Variants in RAPGEF2 observed in about 807,000 individuals in gnomAD.
The protein encoded by RAPGEF2 is PDZ domain containing guanine nucleotide exchange factor (GEF) 1.
A neutral mutation model predicts 186.7 loss-of-function variants in RAPGEF2; 54 were observed. The observed-to-expected ratio is 0.29, with a 90% CI of 0.23 to 0.36. The LOEUF (loss-of-function observed/expected upper bound fraction) is 0.36. RAPGEF2 is among the 10% of genes least tolerant of loss of function. The probability of loss-of-function intolerance (pLI) is 1.00; values close to 1 mark genes in which losing one functional copy is unlikely to be tolerated. For synonymous variants in RAPGEF2, 712 were observed against 705.9 expected (o/e 1.01, Z -0.14); for missense variants, 1,532 against 2,045.0 (o/e 0.75, Z 4.84).
At chr4:159,163,083 T>A (rs960782726) in intron 1 of RAPGEF2, among the ~76,000 whole-genome samples, 1 of 152,202 alleles carries the variant, frequency 6.6e-6, no homozygotes, top group African/African-American at 2.4e-5. Context: ...GGCTTAATTT[T>A]GTTTCTTTTT....
chr4:159,130,945 A>G (rs995847252), intron 1 of RAPGEF2, among the ~76,000 whole-genome samples: 18 of 152,092 alleles, frequency 1.2e-4, no homozygotes, highest in Non-Finnish European at 2.6e-4. Flanking sequence ...TTCGGGCTCA[A>G]GCAATCTGCC....
chr4:159,240,331 C>CTTTTT (rs370477370), intron 5 of RAPGEF2, among the ~76,000 whole-genome samples: 45,457 of 77,482 alleles, frequency 0.59, 13,524 homozygotes, highest in South Asian at 0.81. Flanking sequence ...AGCATTTCTA[C>CTTTTT]TTTTTTTTTT....
At chr4:159,223,039 C>T (rs1453470149) in intron 4 of RAPGEF2, among the ~76,000 whole-genome samples, 3 of 151,798 alleles carry the variant, frequency 2.0e-5, no homozygotes, top group Non-Finnish European at 4.4e-5. Context: ...TGACAGTACT[C>T]GTTGAAATAA....
Position 159,241,244 on chromosome 4 carries a change from C to T in RAPGEF2, c.401C>T (p.Ala134Val), listed in dbSNP as rs1753951147. ...DENEEYFQRQ[A>V]SHRQSRRRFR... ...AATGAAGAATATTTTCAGCGGCAAG[C>T]TTCCCATAGACAGTCTCGAAGGAGA... The change falls in exon 6 of 30, where the codon GCT (alanine) becomes GTT (valine). Residue 134 changes from alanine to valine, a missense_variant. This residue lies in a region of RAPGEF2 where 810 missense variants were observed against 1,210.5 expected (regional missense o/e 0.67). Coordinates refer to ENST00000691494, the MANE Select transcript of RAPGEF2 (RefSeq NM_001394067.2). 1 of 1,531,934 alleles carries T rather than the reference C, an allele frequency of 6.5e-7. No homozygotes were observed. Among genetic ancestry groups the T allele is most frequent in the East Asian group, 2.4e-5 (1 of 40,838 alleles). The allele number at this position is 1,531,934 out of a possible 1,614,324, so 94.9% of individuals were successfully genotyped here.
chr4:159,267,870 C>T (rs1757615234), intron 7 of RAPGEF2: 10 of 1,070,626 alleles, frequency 9.3e-6, no homozygotes, highest in Non-Finnish European at 1.1e-5. Flanking sequence ...TCTTGGAAGA[C>T]TGAGAGCTGT....
intron 1 of RAPGEF2, among the ~76,000 whole-genome samples, chr4:159,142,525 T>A (rs990743635): frequency 4.6e-5 from 7 of 151,914 alleles, no homozygotes; most frequent in Admixed American, 4.6e-4. Flanking sequence ...TTTTTTTTTT[T>A]TATATGAAAT....
In RAPGEF2 at chr4:159,103,582, T is replaced by A. The variant is rs1208735823; in HGVS notation, c.-581T>A. 7.2e-5 allele frequency: 11 copies of A among 153,064 alleles called. No individual in the cohort carries two copies. The highest frequency in any genetic ancestry group is 6.5e-4 in the Admixed American group (10 of 15,284). 9.5% of individuals were successfully genotyped at this position (153,064 alleles called of 1,614,324 possible). On this transcript the variant is annotated 5_prime_UTR_variant, in exon 1 of 30. Coordinates refer to ENST00000691494, the MANE Select transcript of RAPGEF2 (RefSeq NM_001394067.2). Reference sequence around the variant, plus strand: ...ACCTGAGCCAGACCCACCTGGTCCGTCCTCCCGACCGGCGGCCGAGGCGCC... The same window carrying A: ...ACCTGAGCCAGACCCACCTGGTCCGACCTCCCGACCGGCGGCCGAGGCGCC...
At chr4:159,347,743 C>T (rs114955298) in intron 25 of RAPGEF2, among the ~76,000 whole-genome samples, 4 of 152,318 alleles carry the variant, frequency 2.6e-5, no homozygotes, top group South Asian at 2.1e-4. Flanking sequence ...TAGATCGCAC[C>T]GCTGCACTCC....
intron 3 of RAPGEF2, among the ~76,000 whole-genome samples, chr4:159,196,367 C>G (rs1323283235): frequency 6.6e-6 from 1 of 152,040 alleles, no homozygotes; most frequent in Non-Finnish European, 1.5e-5. Context: ...CTTGTTTGTT[C>G]TTGTTCTTCC....
At chr4:159,320,164 AAC>A (rs1765070921) in intron 9 of RAPGEF2, among the ~76,000 whole-genome samples, 1 of 152,190 alleles carries the variant, frequency 6.6e-6, no homozygotes, top group Admixed American at 6.5e-5. Context: ...GGCTAAAGAA[AAC>A]AGAGGCTGGA....
intron 7 of RAPGEF2, among the ~76,000 whole-genome samples, chr4:159,247,307 C>T (rs1408822137): frequency 6.6e-6 from 1 of 152,136 alleles, no homozygotes; most frequent in Admixed American, 6.5e-5. Flanking sequence ...GCCTCCTTTG[C>T]CCTTACAATC....
chr4:159,253,086 A>G (rs1755664936), intron 7 of RAPGEF2, among the ~76,000 whole-genome samples: 1 of 152,202 alleles, frequency 6.6e-6, no homozygotes, highest in African/African-American at 2.4e-5. Flanking sequence ...TTCTGGTTGA[A>G]GTATGTAAAG....
chr4:159,170,117 G>A (rs1313571776), intron 1 of RAPGEF2, among the ~76,000 whole-genome samples: 3 of 149,506 alleles, frequency 2.0e-5, no homozygotes, highest in Admixed American at 6.6e-5. Flanking sequence ...TTACATGTAT[G>A]AGGTTTTGTT....
intron 4 of RAPGEF2, among the ~76,000 whole-genome samples, chr4:159,238,521 T>A (rs1041387152): frequency 6.6e-6 from 1 of 152,174 alleles, no homozygotes; most frequent in African/African-American, 2.4e-5. Context: ...TGATTTAAAA[T>A]AACCTAACAG....
intron 9 of RAPGEF2, among the ~76,000 whole-genome samples, chr4:159,315,141 A>T (rs188338979): frequency 6.6e-4 from 101 of 152,178 alleles, no homozygotes; most frequent in African/African-American, 2.3e-3. Context: ...TGTAAACATA[A>T]AGGCAGTTGG....
At chr4:159,330,273 G>GTC (rs1554038046) in intron 12 of RAPGEF2, 61 bp from the exon 13 acceptor site, 4 of 768,374 alleles carry the variant, frequency 5.2e-6, no homozygotes, top group Non-Finnish European at 8.5e-6. Flanking sequence ...ATATGTGTGT[G>GTC]TGTGTGTGTG....
At chr4:159,138,230 A>AC (rs1439865086) in intron 1 of RAPGEF2, among the ~76,000 whole-genome samples, 7 of 152,196 alleles carry the variant, frequency 4.6e-5, no homozygotes, top group African/African-American at 1.7e-4. Context: ...GGAGACACAC[A>AC]AACACACACA....
chr4:159,330,636 C>A (rs570728370), intron 13 of RAPGEF2, 138 bp downstream of exon 13: 66 of 570,920 alleles, frequency 1.2e-4, no homozygotes, highest in South Asian at 4.7e-4. Flanking sequence ...CAAAAAAAAA[C>A]AAAAAAACAA....
At chr4:159,351,541 G>T (rs1731172153) in intron 26 of RAPGEF2, among the ~76,000 whole-genome samples, 1 of 152,124 alleles carries the variant, frequency 6.6e-6, no homozygotes, top group Non-Finnish European at 1.5e-5. Context: ...GAAGAAATTT[G>T]CATTGCATAT....
Sources: gnomAD v4.1 joint callset for allele counts (sites outside exome capture counted in the v4.1 genomes callset) on GRCh38, gnomAD v4.1.1 for gene constraint, gnomAD v4.1.1 regional missense constraint, MANE v1.5 for transcripts, NCBI Gene and HGNC (gene_info 2026-07-23, HGNC 2026-07-21) for gene names.